Variants in DCHS2 observed in about 807,000 individuals in gnomAD.
DCHS2 encodes dachsous cadherin-related 2, also known as protocadherin-23.
Under a neutral mutation model 182.4 loss-of-function variants are expected in DCHS2, and 142 were observed. The observed-to-expected ratio is 0.78, with a 90% CI of 0.68 to 0.89. DCHS2 has a LOEUF of 0.89. DCHS2 is among the 40% of genes least tolerant of loss of function. The pLI is 0.00. For missense variants in DCHS2, 4,319 were observed against 4,198.6 expected, an observed-to-expected ratio of 1.03 and a Z score of -0.79; for synonymous variants, 1,740 against 1,663.3, an observed-to-expected ratio of 1.05 and a Z score of -1.12.
chr4:154,288,122 A>G (rs1734491274), intron 13 of DCHS2, among the ~76,000 whole-genome samples: 1 of 152,098 alleles, frequency 6.6e-6, no homozygotes, highest in African/African-American at 2.4e-5. Flanking sequence ...CAATCAAAAG[A>G]CATAGTATGG....
At chr4:154,413,933 G>A (rs1732726645) in intron 1 of DCHS2, among the ~76,000 whole-genome samples, 1 of 152,066 alleles carries the variant, frequency 6.6e-6, no homozygotes, top group African/African-American at 2.4e-5. Context: ...GTCTTCTTGA[G>A]ACCCTGGTTA....
intron 1 of DCHS2, among the ~76,000 whole-genome samples, chr4:154,386,918 A>G (rs752972121): frequency 4.6e-5 from 7 of 152,222 alleles, no homozygotes; most frequent in East Asian, 1.9e-4. Flanking sequence ...TTATCATACA[A>G]TAAGATCCAT....
intron 1 of DCHS2, among the ~76,000 whole-genome samples, chr4:154,388,786 GC>G (rs1310826998): frequency 1.3e-5 from 2 of 152,000 alleles, no homozygotes; most frequent in Non-Finnish European, 2.9e-5. Context: ...AAGCCACTGC[GC>G]CCGGCCAAAT....
At position 154,332,774 on chromosome 4, in the gene DCHS2, C is replaced by A. The variant is rs376143824; in HGVS notation, c.3434G>T (p.Arg1145Leu). ...GGTGGATTCATAGTCAAACTGTCGC[C>A]GCAAATAAATCCAGCCCGTGTAAGG... ...IRPYTGWIYL[R>L]RQFDYESTQT... Residue 1145 changes from arginine (R) to leucine (L), a missense_variant, in exon 5 of 20, where the codon CGG (arginine) becomes CTG (leucine). Arg to Leu is a moderately radical substitution (Grantham distance 102). Coordinates refer to ENST00000357232, the MANE Select transcript of DCHS2 (RefSeq NM_001358235.2). 27 of 1,614,096 alleles carry A rather than the reference C, an allele frequency of 1.7e-5. No individual in the cohort carries two copies. In the East Asian group the frequency reaches 6.0e-4, roughly 36 times the overall value.
At chr4:154,394,355 G>A (rs1273544374) in intron 1 of DCHS2, among the ~76,000 whole-genome samples, 1 of 152,210 alleles carries the variant, frequency 6.6e-6, no homozygotes, top group East Asian at 1.9e-4. Flanking sequence ...GCCCCCCTCA[G>A]GAGTCAGACA....
intron 14 of DCHS2, among the ~76,000 whole-genome samples, chr4:154,269,663 A>T (rs964652613): frequency 6.6e-6 from 1 of 152,154 alleles, no homozygotes; most frequent in African/African-American, 2.4e-5. Flanking sequence ...TTTATCTTCA[A>T]AAATTTGAAG....
chr4:154,439,625 T>C (rs1216002138), intron 1 of DCHS2, among the ~76,000 whole-genome samples: 3 of 152,226 alleles, frequency 2.0e-5, no homozygotes, highest in Admixed American at 2.0e-4. Context: ...GGATTTCTTG[T>C]CTGTTATATA....
chr4:154,296,323 G>A (rs554660060), intron 13 of DCHS2, among the ~76,000 whole-genome samples: 2 of 152,280 alleles, frequency 1.3e-5, no homozygotes, highest in South Asian at 4.1e-4. Flanking sequence ...GCTTGGAAAT[G>A]CGAGGGGTGG....
chr4:154,280,270 G>A (rs926215558), intron 13 of DCHS2, among the ~76,000 whole-genome samples: 4 of 152,052 alleles, frequency 2.6e-5, no homozygotes, highest in Admixed American at 1.3e-4. Context: ...GGACCAGATG[G>A]CATCACTGGA....
intron 13 of DCHS2, chr4:154,272,108 G>GT (rs1263482041): frequency 6.6e-6 from 1 of 151,950 alleles, no homozygotes. Flanking sequence ...TCATACAATT[G>GT]TTATTGCAGA....
At chr4:154,337,753 A>T (rs912475067) in intron 3 of DCHS2, among the ~76,000 whole-genome samples, 1 of 151,528 alleles carries the variant, frequency 6.6e-6, no homozygotes, top group Admixed American at 6.6e-5. Flanking sequence ...TATTATTATT[A>T]TTATTGAGAT....
At chr4:154,300,168 G>T (rs927017914) in intron 12 of DCHS2, among the ~76,000 whole-genome samples, 1 of 152,066 alleles carries the variant, frequency 6.6e-6, no homozygotes, top group Non-Finnish European at 1.5e-5. Flanking sequence ...CTGGGTGTTT[G>T]TATGTGGCAA....
chr4:154,345,060 C>T (rs1287856386), intron 3 of DCHS2, among the ~76,000 whole-genome samples: 3 of 152,188 alleles, frequency 2.0e-5, no homozygotes, highest in Non-Finnish European at 4.4e-5. Flanking sequence ...GTCCAGTTTC[C>T]TACCAGTACC....
At chr4:154,417,663 C>A (rs34862366) in intron 1 of DCHS2, among the ~76,000 whole-genome samples, 39,544 of 152,070 alleles carry the variant, frequency 0.26, 6,213 homozygotes, top group Middle Eastern at 0.41. Flanking sequence ...CACTGAGCAC[C>A]CTTTTTCTTT....
intron 1 of DCHS2, among the ~76,000 whole-genome samples, chr4:154,444,647 C>G (rs1734191455): frequency 6.6e-6 from 1 of 152,204 alleles, no homozygotes; most frequent in African/African-American, 2.4e-5. Flanking sequence ...ACCACCCTCA[C>G]AACACCATCC....
chr4:154,253,548 A>T (rs932619914), intron 16 of DCHS2, among the ~76,000 whole-genome samples: 6 of 152,234 alleles, frequency 3.9e-5, no homozygotes, highest in African/African-American at 1.4e-4. Context: ...ATCTGCAGTC[A>T]TCCGTGGAAG....
intron 2 of DCHS2, chr4:154,373,916 T>C (rs779567558): frequency 1.9e-6 from 3 of 1,606,054 alleles, no homozygotes; most frequent in Non-Finnish European, 2.6e-6. Context: ...ATCATGTTCC[T>C]TACCTTCACC....
At chr4:154,411,126 T>A (rs1310566276) in intron 1 of DCHS2, among the ~76,000 whole-genome samples, 1 of 152,090 alleles carries the variant, frequency 6.6e-6, no homozygotes, top group African/African-American at 2.4e-5. Context: ...ATCAAAGAAG[T>A]CAGACACAGA....
rs1560967992 is a variant in DCHS2 at position 154,234,603 on chromosome 4, T to G, written c.10049A>C (p.Glu3350Ala). The change falls in exon 20 of 20, where the codon GAA becomes GCA. Residue 3350 changes from glutamate to alanine, a missense_variant. Glu to Ala is a moderately radical substitution (Grantham distance 107). Coordinates refer to ENST00000357232, the MANE Select transcript of DCHS2 (RefSeq NM_001358235.2). ...PALSPLLREG[E>A]LLGTHISGTC... ...ACCACTGATGTGTGTTCCTAATAATTCTCCTTCTCTCAACAGTGGAGACAA... is the reference window on the plus strand; with the variant it reads ...ACCACTGATGTGTGTTCCTAATAATGCTCCTTCTCTCAACAGTGGAGACAA... 6.2e-7 allele frequency: 1 copy of G among 1,613,946 alleles called. No homozygotes were observed. Among genetic ancestry groups the G allele is most frequent in the East Asian group, 2.2e-5 (1 of 44,844 alleles).
Sources: allele counts gnomAD v4.1 joint callset (sites outside exome capture counted in the v4.1 genomes callset), GRCh38; gene constraint gnomAD v4.1.1; transcripts MANE v1.5; gene names NCBI Gene and HGNC (gene_info 2026-07-23, HGNC 2026-07-21).